Variants in LIPH observed in about 807,000 individuals in gnomAD.
LIPH encodes lipase member H.
A neutral mutation model predicts 47.6 loss-of-function variants in LIPH; 32 were observed. That is an observed-to-expected ratio of 0.67 (90% confidence interval 0.51 to 0.90). The LOEUF (loss-of-function observed/expected upper bound fraction) is 0.90, where lower values mean the gene tolerates loss of function less well. Among genes scored for constraint, LIPH ranks in the 40% least tolerant of loss-of-function variants. LIPH has a pLI of 0.00. For missense variants in LIPH, 497 were observed against 541.4 expected (o/e 0.92, Z 0.81); for synonymous variants, 190 against 195.6 (o/e 0.97, Z 0.24).
intron 1 of LIPH, among the ~76,000 whole-genome samples, chr3:185,548,094 T>G (rs1010040303): frequency 6.6e-6 from 1 of 152,080 alleles, no homozygotes; most frequent in Non-Finnish European, 1.5e-5. Flanking sequence ...GGCCAGAAAC[T>G]TTGCCTTCCT....
At chr3:185,511,179 G>A (rs1372869265) in intron 9 of LIPH, among the ~76,000 whole-genome samples, 1 of 151,638 alleles carries the variant, frequency 6.6e-6, no homozygotes, top group Non-Finnish European at 1.5e-5. Context: ...TTACAGTCAT[G>A]TACCATCAAA....
At chr3:185,547,469 C>A (rs1720912249) in intron 1 of LIPH, among the ~76,000 whole-genome samples, 1 of 152,146 alleles carries the variant, frequency 6.6e-6, no homozygotes, top group South Asian at 2.1e-4. Flanking sequence ...TTAATAACTT[C>A]TTTAGAACAG....
rs1577657706 is a variant in LIPH at position 185,506,374 on chromosome 3, A to C, written c.*2416T>G. 6.6e-6 allele frequency: 1 copy of C among 151,880 alleles called. No homozygotes were observed. Among genetic ancestry groups the C allele is most frequent in the Non-Finnish European group, 1.5e-5 (1 of 67,962 alleles). The allele number at this position is 151,880 out of a possible 1,614,324, so 9.4% of individuals were successfully genotyped here. On this transcript the variant is annotated 3_prime_UTR_variant, in exon 10 of 10. Transcript: ENST00000296252. ...TCTTTATCCATTCATTCACCCATCTACCCATCCTACAGTGAGCCAGGTACT... is the reference window on the plus strand; with the variant it reads ...TCTTTATCCATTCATTCACCCATCTCCCCATCCTACAGTGAGCCAGGTACT...
At chr3:185,531,286 T>G (rs1577679234) in intron 3 of LIPH, among the ~76,000 whole-genome samples, 1 of 152,038 alleles carries the variant, frequency 6.6e-6, no homozygotes, top group African/African-American at 2.4e-5. Flanking sequence ...GTGGCTCATG[T>G]CTGTAATCCC....
At chr3:185,545,615 G>A (rs1381002713) in intron 1 of LIPH, among the ~76,000 whole-genome samples, 1 of 152,194 alleles carries the variant, frequency 6.6e-6, no homozygotes, top group African/African-American at 2.4e-5. Context: ...GCCAAGTGCG[G>A]GTGGCTCACA....
intron 8 of LIPH, among the ~76,000 whole-genome samples, 167 bp from the exon 9 acceptor site, chr3:185,511,864 C>T (rs999515118): frequency 2.7e-5 from 4 of 150,352 alleles, no homozygotes; most frequent in African/African-American, 9.8e-5. Context: ...CACTGTTGCC[C>T]AGGCTGGAGT....
At chr3:185,543,251 A>G (rs373009612) in intron 1 of LIPH, among the ~76,000 whole-genome samples, 4 of 152,202 alleles carry the variant, frequency 2.6e-5, no homozygotes, top group African/African-American at 9.6e-5. Flanking sequence ...GTGCCCAAGC[A>G]TAATGCTGAA....
At chr3:185,549,001 G>A (rs1720971308) in intron 1 of LIPH, among the ~76,000 whole-genome samples, 1 of 151,410 alleles carries the variant, frequency 6.6e-6, no homozygotes, top group African/African-American at 2.4e-5. Context: ...GCGTGGTGGT[G>A]GGTGCCTGTA....
chr3:185,517,580 G>C (rs569528593), intron 6 of LIPH, among the ~76,000 whole-genome samples: 1 of 152,238 alleles, frequency 6.6e-6, no homozygotes, highest in South Asian at 2.1e-4. Context: ...CCCCTAAATT[G>C]CATAGACCTG....
intron 6 of LIPH, among the ~76,000 whole-genome samples, chr3:185,517,726 G>C (rs1244568888): frequency 2.6e-5 from 4 of 152,160 alleles, no homozygotes; most frequent in Middle Eastern, 6.8e-3. Context: ...ATTGATCCAG[G>C]GTGGGACCCA....
chr3:185,544,174 C>T (rs1338931704), intron 1 of LIPH, among the ~76,000 whole-genome samples: 2 of 151,902 alleles, frequency 1.3e-5, no homozygotes, highest in African/African-American at 2.4e-5. Flanking sequence ...TCAAGGAGGG[C>T]TCATGGTTCA....
chr3:185,539,913 T>C (rs1720648524), intron 1 of LIPH, among the ~76,000 whole-genome samples: 1 of 152,206 alleles, frequency 6.6e-6, no homozygotes, highest in African/African-American at 2.4e-5. Context: ...TGGCTCCCCA[T>C]GCTGCTCCCC....
At chr3:185,549,114 A>C (rs1157969513) in intron 1 of LIPH, among the ~76,000 whole-genome samples, 1 of 150,626 alleles carries the variant, frequency 6.6e-6, no homozygotes, top group East Asian at 1.9e-4. Flanking sequence ...CTGGCAACAG[A>C]GCGAGACTCC....
chr3:185,539,705 G>C (rs1441082639), intron 1 of LIPH, among the ~76,000 whole-genome samples: 1 of 151,908 alleles, frequency 6.6e-6, no homozygotes, highest in Non-Finnish European at 1.5e-5. Context: ...GATCAAATTG[G>C]GTATTATTTT....
rs575050441 is a variant in LIPH, at chr3:185,543,101, C to A, written c.50-7969G>T. ...GTACAAGCCTGTAATCCCCGCTACT[C>A]GGGAGGCTGAGGCAGGAGAATTGCT... On this transcript the variant is annotated intron_variant, in intron 1 of 9. Coordinates refer to ENST00000296252, the MANE Select transcript of LIPH (RefSeq NM_139248.3). Among the ~76,000 whole-genome samples, 146 of 152,064 alleles carry A rather than the reference C, an allele frequency of 9.6e-4. 1 individual carries two copies. The highest frequency in any genetic ancestry group is 3.3e-3 in the African/African-American group (136 of 41,456).
In LIPH at chr3:185,524,060, T is replaced by A; in HGVS notation, c.718+11A>T. ...TTTTATACCACTATTTTACAAAATATAAAGGCTTACCTCCCAATATTGTTT... is the reference window on the plus strand; with the variant it reads ...TTTTATACCACTATTTTACAAAATAAAAAGGCTTACCTCCCAATATTGTTT... On this transcript the variant is annotated intron_variant, in intron 5 of 9. Transcript: ENST00000296252. 6.3e-7 allele frequency: 1 copy of A among 1,593,506 alleles called. No individual in the cohort carries two copies. Among genetic ancestry groups the A allele is most frequent in the African/African-American group, 1.3e-5 (1 of 74,648 alleles).
At chr3:185,529,866 G>C (rs1720255556) in intron 3 of LIPH, among the ~76,000 whole-genome samples, 1 of 148,300 alleles carries the variant, frequency 6.7e-6, no homozygotes, top group South Asian at 2.1e-4. Flanking sequence ...CTCCAGCCCA[G>C]GCGACAGACC....
intron 2 of LIPH, 77 bp downstream of exon 2, chr3:185,534,688 C>A (rs1720444959): frequency 2.1e-6 from 3 of 1,459,612 alleles, no homozygotes; most frequent in Non-Finnish European, 2.9e-6. Context: ...CTCACTGTAG[C>A]TATCTCTTGG....
In LIPH at chr3:185,508,836, A is replaced by ACGTTTTC. The variant is rs773633755; in HGVS notation, c.1303_1309dup (p.Val437GlyfsTer4). 8 of 1,614,068 alleles carry ACGTTTTC rather than the reference A, an allele frequency of 5.0e-6. No individual in the cohort carries two copies. The South Asian group carries it at 8.8e-5, about 18-fold the overall frequency. On this transcript the variant is annotated frameshift_variant, in exon 10 of 10. Transcript: ENST00000296252. ...AAGAATAGGTTGGAAGACTGTTTCA[A>ACGTTTTC]CGTTTTCCATCAGGACAAGATCATA...
Sources: gnomAD v4.1 joint callset for allele counts (sites outside exome capture counted in the v4.1 genomes callset) on GRCh38, gnomAD v4.1.1 for gene constraint, MANE v1.5 for transcripts, NCBI Gene and HGNC (gene_info 2026-07-23, HGNC 2026-07-21) for gene names.